MSL3: variants seen among roughly 807,000 people sequenced by gnomAD.
The protein encoded by MSL3 is MSL3-like 1.
In MSL3, 5 loss-of-function variants were observed where a neutral mutation model predicts 37.2. The ratio of observed to expected loss-of-function variants is 0.13; its 90% CI spans 0.07 to 0.28. The LOEUF is 0.28. MSL3 is among the 10% of genes least tolerant of loss of function. The probability of loss-of-function intolerance (pLI) is 1.00; values close to 1 mark genes in which losing one functional copy is unlikely to be tolerated. For missense variants in MSL3, 315 were observed against 408.5 expected (o/e 0.77, Z 1.97); for synonymous variants, 149 against 147.6 (o/e 1.01, Z -0.07).
intron 1 of MSL3, 42 bp from the exon 2 acceptor site, chrX:11,759,751 C>A (rs991526810): frequency 1.7e-6 from 2 of 1,207,864 alleles, no homozygotes; most frequent in Admixed American, 4.4e-5. Flanking sequence ...TTCTAATTTT[C>A]TGTATGTTCT....
chrX:11,767,416 C>A, intron 9 of MSL3: 1 of 260,155 alleles, frequency 3.8e-6, no homozygotes, highest in Non-Finnish European at 5.3e-6. Flanking sequence ...CACTTGAGGC[C>A]AGGAGTTCAA....
intron 6 of MSL3, among the ~76,000 whole-genome samples, chrX:11,762,500 T>A (rs2053142088): frequency 8.9e-6 from 1 of 112,295 alleles, no homozygotes; most frequent in Non-Finnish European, 1.9e-5. Context: ...CTGCTTGTGC[T>A]TCAGCCCAGA....
In MSL3 at chrX:11,775,175, C is replaced by T. The variant is rs894752982; in HGVS notation, c.*96C>T. ...CAAGGTGGTGGGTCTTTACCCACAG[C>T]GCAAACACAATGCCCACCTTGGGGC... On this transcript the variant is annotated 3_prime_UTR_variant, in exon 13 of 13. Transcript: ENST00000312196. 7 of 591,745 alleles carry T rather than the reference C, an allele frequency of 1.2e-5. No homozygotes were observed. The African/African-American group carries it at 1.4e-4, about 12-fold the overall frequency. The allele number at this position is 591,745 out of a possible 1,213,427, so 48.8% of individuals were successfully genotyped here.
Position 11,774,342 on chromosome X carries a change from C to T in MSL3, c.1467-638C>T, listed in dbSNP as rs755460859. Among the ~76,000 whole-genome samples, 10 of 111,634 alleles carry T rather than the reference C, an allele frequency of 9.0e-5. No homozygotes were observed. The East Asian group carries it at 1.7e-3, about 19-fold the overall frequency. ...TTTGTTTATTTATTTATTTTTGAGA[C>T]GGAGTCTTGCTCTGTCGCCTGGGCT... On this transcript the variant is annotated intron_variant, in intron 12 of 12. Transcript: ENST00000312196.
At chrX:11,763,087 G>A (rs925631101) in intron 7 of MSL3, 90 bp downstream of exon 7, 19 of 706,021 alleles carry the variant, frequency 2.7e-5, no homozygotes, top group South Asian at 4.6e-5. Context: ...TCTCTATTCC[G>A]TTATTTTGAA....
chrX:11,766,632 C>T (rs779779183), intron 9 of MSL3: 103 of 753,217 alleles, frequency 1.4e-4, no homozygotes, highest in Non-Finnish European at 1.6e-4. Context: ...GGCAGCAGGG[C>T]CGACGATGTC....
chrX:11,772,684 A>C lies in MSL3; in HGVS notation c.1445A>C (p.Lys482Thr). The C allele has an allele frequency of 8.5e-7, 1 of 1,182,104 alleles. No individual in the cohort carries two copies. Reference protein sequence around the residue: ...FSEKNLKALLKHFDLFLRFLA... With the variant: ...FSEKNLKALLTHFDLFLRFLA... ...GAGAAGAATCTGAAGGCTTTATTGA[A>C]GCACTTTGATCTCTTTTTGAGGTAT... The change falls in exon 12 of 13, where the codon AAG (lysine) becomes ACG (threonine). Residue 482 changes from lysine (K) to threonine (T), a missense_variant. Coordinates refer to ENST00000312196, the MANE Select transcript of MSL3 (RefSeq NM_078629.4).
rs2053264693 is a variant in MSL3, at chrX:11,775,206, T to C, written c.*127T>C. Reference sequence around the variant, plus strand: ...CACAATGCCCACCTTGGGGCTCTGTTGTTTGAGTTGCCCACATACTGCAGT... The same window carrying C: ...CACAATGCCCACCTTGGGGCTCTGTCGTTTGAGTTGCCCACATACTGCAGT... On this transcript the variant is annotated 3_prime_UTR_variant, in exon 13 of 13. Coordinates refer to ENST00000312196, the MANE Select transcript of MSL3 (RefSeq NM_078629.4). 2 of 473,346 alleles carry C rather than the reference T, an allele frequency of 4.2e-6. No individual in the cohort carries two copies. The highest frequency in any genetic ancestry group is 7.8e-5 in the Admixed American group (2 of 25,626). The allele number at this position is 473,346 out of a possible 1,213,427, so 39.0% of individuals were successfully genotyped here. A position where few individuals can be genotyped will look rare whatever the true frequency, so the allele number is the denominator to read the frequency against.
In MSL3 at chrX:11,768,778, C is replaced by G. The variant is rs186050760; in HGVS notation, c.1281+96C>G. 9.1e-6 allele frequency: 5 copies of G among 550,295 alleles called. No individual in the cohort carries two copies. The African/African-American group carries it at 1.1e-4, about 12-fold the overall frequency. The allele number at this position is 550,295 out of a possible 1,213,427, so 45.4% of individuals were successfully genotyped here. On this transcript the variant is annotated intron_variant, in intron 10 of 12. Coordinates refer to ENST00000312196, the MANE Select transcript of MSL3 (RefSeq NM_078629.4). ...TCAAGGTTCTTAAAGCATCATGTTG[C>G]TGCTATTACTGTAAACATTATCAAA...
chrX:11,758,633 C>T, intron 1 of MSL3: 1 of 1,157,079 alleles, frequency 8.6e-7, no homozygotes. Flanking sequence ...CCGGGGCTAC[C>T]GTTTGCGCCC....
intron 10 of MSL3, among the ~76,000 whole-genome samples, chrX:11,769,790 G>C (rs2053216675): frequency 1.8e-5 from 2 of 111,561 alleles, no homozygotes; most frequent in Admixed American, 1.9e-4. Context: ...TTTTTTTGTA[G>C]AGACTAAGTT....
intron 10 of MSL3, among the ~76,000 whole-genome samples, chrX:11,771,806 C>T (rs2053234074): frequency 8.9e-6 from 1 of 111,923 alleles, no homozygotes; most frequent in Admixed American, 9.4e-5. Flanking sequence ...GTCTCAAGCT[C>T]CCGACCGCAG....
At chrX:11,762,767 A>G (rs1016953885) in intron 6 of MSL3, 70 bp from the exon 7 acceptor site, 3 of 991,550 alleles carry the variant, frequency 3.0e-6, no homozygotes, top group Non-Finnish European at 4.2e-6. Flanking sequence ...AGACATGACC[A>G]GTGTTTCTTG....
At chrX:11,772,749 TG>T in intron 12 of MSL3, 44 bp downstream of exon 12, 2 of 860,798 alleles carry the variant, frequency 2.3e-6, no homozygotes, top group Non-Finnish European at 3.3e-6. Flanking sequence ...TTGCCATATA[TG>T]TGGCTTTTCT....
Position 11,762,193 on chromosome X carries a change from C to A in MSL3, c.529C>A (p.Pro177Thr). ...MEERTITIEI[P>T]EVLKKQLEDD... ...AGAAAGAACAATAACTATAGAAATC[C>A]CTGAAGTTCTGAAGAAGCAGCTGGA... The change falls in exon 6 of 13, where the codon CCT (proline) becomes ACT (threonine). Residue 177 changes from proline to threonine, a missense_variant. Pro to Thr is a conservative substitution (Grantham distance 38). Transcript: ENST00000312196. 8.6e-7 allele frequency: 1 copy of A among 1,163,953 alleles called. No homozygotes were observed. Among genetic ancestry groups the A allele is most frequent in the Non-Finnish European group, 1.2e-6 (1 of 869,340 alleles).
intron 9 of MSL3, 83 bp from the exon 10 acceptor site, chrX:11,768,490 T>C: frequency 1.6e-6 from 1 of 631,293 alleles, no homozygotes. Context: ...CAAGTTTAGA[T>C]TTATGTTCTG....
At chrX:11,761,456 G>A in intron 4 of MSL3, 44 bp from the exon 5 acceptor site, 2 of 917,910 alleles carry the variant, frequency 2.2e-6, no homozygotes, top group Non-Finnish European at 3.1e-6. Context: ...AAGGGTTGGT[G>A]AAGTATAAAA....
chrX:11,758,943 ACT>A (rs1238990091), intron 1 of MSL3, among the ~76,000 whole-genome samples: 32 of 111,502 alleles, frequency 2.9e-4, no homozygotes, highest in Non-Finnish European at 5.3e-4. Flanking sequence ...ACGTTTTCAA[ACT>A]CTGAAGGATT....
At chrX:11,763,381 A>G in intron 7 of MSL3, among the ~76,000 whole-genome samples, 1 of 112,629 alleles carries the variant, frequency 8.9e-6, no homozygotes, top group Middle Eastern at 4.6e-3. Context: ...CCTGCCTGGT[A>G]CACATGACCC....
Sources: gnomAD v4.1 joint callset for allele counts (sites outside exome capture counted in the v4.1 genomes callset) on GRCh38, gnomAD v4.1.1 for gene constraint, MANE v1.5 for transcripts, NCBI Gene and HGNC (gene_info 2026-07-23, HGNC 2026-07-21) for gene names.